DGAT2: variants seen among roughly 807,000 people sequenced by gnomAD.
DGAT2 encodes the protein acyl-CoA retinol O-fatty-acyltransferase.
In DGAT2, 33 loss-of-function variants were observed where a neutral mutation model predicts 48.4. That is an observed-to-expected ratio of 0.68 (90% CI 0.52 to 0.91). The LOEUF is 0.91. Ranked by LOEUF, DGAT2 falls within the 40% of genes least tolerant of loss-of-function variation. The probability of loss-of-function intolerance (pLI) is 0.00; values close to 1 mark genes in which losing one functional copy is unlikely to be tolerated. For missense variants in DGAT2, 446 were observed against 493.7 expected, an observed-to-expected ratio of 0.90 and a Z score of 0.92; for synonymous variants, 191 against 194.1, an observed-to-expected ratio of 0.98 and a Z score of 0.13.
chr11:75,794,540 A>G (rs1280263738), intron 4 of DGAT2: 1 of 152,246 alleles, frequency 6.6e-6, no homozygotes, highest in Admixed American at 6.5e-5. Context: ...AAGATAAGGT[A>G]TTTATTGAAG....
At chr11:75,779,953 A>G (rs1944842523) in intron 1 of DGAT2, among the ~76,000 whole-genome samples, 1 of 152,228 alleles carries the variant, frequency 6.6e-6, no homozygotes, top group Admixed American at 6.5e-5. Context: ...GGATTTGCTC[A>G]GCTATGCAGT....
intron 1 of DGAT2, among the ~76,000 whole-genome samples, chr11:75,775,290 C>G (rs1944793830): frequency 6.6e-6 from 1 of 152,156 alleles, no homozygotes; most frequent in Non-Finnish European, 1.5e-5. Flanking sequence ...TGCCTGGCTC[C>G]CTGCAGCAGG....
chr11:75,778,800 C>G (rs1944829632), intron 1 of DGAT2, among the ~76,000 whole-genome samples: 1 of 147,126 alleles, frequency 6.8e-6, no homozygotes, highest in Non-Finnish European at 1.5e-5. Flanking sequence ...CACCACTGCA[C>G]TCCAGCCTGG....
intron 1 of DGAT2, among the ~76,000 whole-genome samples, chr11:75,770,567 G>A (rs1944747875): frequency 6.6e-6 from 1 of 152,130 alleles, no homozygotes; most frequent in African/African-American, 2.4e-5. Context: ...TTTGCACTGG[G>A]CAGTGGGATA....
Position 75,796,400 on chromosome 11 carries a change from C to G in DGAT2, c.502C>G (p.Leu168Val). 6.2e-7 allele frequency: 1 copy of G among 1,614,112 alleles called. No individual in the cohort carries two copies. The highest frequency in any genetic ancestry group is 8.5e-7 in the Non-Finnish European group (1 of 1,180,020). Residue 168 changes from leucine to valine, a missense_variant, in exon 5 of 8, where the codon CTG becomes GTG. Transcript: ENST00000228027. ...ATACCACCCCCATGGTATCATGGGC[C>G]TGGGTGCCTTCTGCAACTTCAGCAC... ...FGYHPHGIMGLGAFCNFSTEA... is the reference protein window; with the variant it reads ...FGYHPHGIMGVGAFCNFSTEA...
chr11:75,799,919 A>G (rs1427581684), intron 7 of DGAT2, among the ~76,000 whole-genome samples: 1 of 152,122 alleles, frequency 6.6e-6, no homozygotes, highest in Non-Finnish European at 1.5e-5. Flanking sequence ...CTCCTGGCCT[A>G]CACTTTTTAA....
chr11:75,769,123 C>T lies in DGAT2; in HGVS notation c.121+11C>T, dbSNP rs766602180. The T allele has an allele frequency of 1.3e-6, 2 of 1,560,560 alleles. No individual in the cohort carries two copies. Among genetic ancestry groups the T allele is most frequent in the African/African-American group, 1.4e-5 (1 of 70,824 alleles). On this transcript the variant is annotated intron_variant, in intron 1 of 7. Coordinates refer to ENST00000228027, the MANE Select transcript of DGAT2 (RefSeq NM_032564.5). ...GGTCTGGGAGATGGGGTGAGTGCCA[C>T]GGCGCAGGGGTTATGGACCTGCGAG...
At chr11:75,794,482 T>A (rs995944043) in intron 4 of DGAT2, 1 of 152,246 alleles carries the variant, frequency 6.6e-6, no homozygotes, top group African/African-American at 2.4e-5. Flanking sequence ...TATCCAGGAA[T>A]TGTATTTCTA....
At chr11:75,769,733 C>A (rs1044637196) in intron 1 of DGAT2, among the ~76,000 whole-genome samples, 1 of 152,042 alleles carries the variant, frequency 6.6e-6, no homozygotes, top group Non-Finnish European at 1.5e-5. Context: ...ACTCTTCCAA[C>A]CCCCACCTCC....
Position 75,800,915 on chromosome 11 carries a change from G to A in DGAT2, c.*407G>A, listed in dbSNP as rs1051136317. On this transcript the variant is annotated 3_prime_UTR_variant, in exon 8 of 8. Transcript: ENST00000228027. ...AGCCCCTTTATTGCCACTACCCCAC[G>A]CTCGTCTAGTCCTGAAACTGCAGGA... is the stretch of plus-strand genomic sequence containing the variant. 4.0e-5 allele frequency: 8 copies of A among 199,474 alleles called. No individual in the cohort carries two copies. The highest frequency in any genetic ancestry group is 8.0e-5 in the South Asian group (1 of 12,544). The allele number at this position is 199,474 out of a possible 1,614,324, so 12.4% of individuals were successfully genotyped here.
intron 1 of DGAT2, among the ~76,000 whole-genome samples, chr11:75,771,640 A>T (rs1414350953): frequency 6.6e-6 from 1 of 152,048 alleles, no homozygotes; most frequent in Non-Finnish European, 1.5e-5. Context: ...GTAACTGGGA[A>T]CTGAGGGTTG....
At chr11:75,786,432 C>A (rs531012757) in intron 2 of DGAT2, among the ~76,000 whole-genome samples, 2 of 152,280 alleles carry the variant, frequency 1.3e-5, no homozygotes, top group East Asian at 3.9e-4. Flanking sequence ...TTCCCTGTTG[C>A]ACCCCAAAGC....
intron 1 of DGAT2, among the ~76,000 whole-genome samples, chr11:75,774,558 A>G (rs1565313120): frequency 6.6e-6 from 1 of 152,168 alleles, no homozygotes; most frequent in Non-Finnish European, 1.5e-5. Flanking sequence ...CTGCACAGTG[A>G]GGAGGACTGG....
At chr11:75,776,956 C>T (rs1944808443) in intron 1 of DGAT2, 3 of 152,382 alleles carry the variant, frequency 2.0e-5, no homozygotes, top group Middle Eastern at 3.4e-3. Flanking sequence ...TCATAATATA[C>T]AACCTGTTAC....
At chr11:75,793,154 C>G (rs996536040) in intron 4 of DGAT2, 1 of 152,274 alleles carries the variant, frequency 6.6e-6, no homozygotes, top group Non-Finnish European at 1.5e-5. Context: ...TGGGCTGGGA[C>G]TTTGCCACGG....
chr11:75,777,432 A>T (rs1944813337), intron 1 of DGAT2, among the ~76,000 whole-genome samples: 1 of 152,144 alleles, frequency 6.6e-6, no homozygotes, highest in Non-Finnish European at 1.5e-5. Flanking sequence ...TACCCATCAA[A>T]CAGGAGAGGA....
In DGAT2 at chr11:75,798,390, T is replaced by C. The variant is rs1170611773; in HGVS notation, c.973T>C (p.Trp325Arg). 1 of 1,613,752 alleles carries C rather than the reference T, an allele frequency of 6.2e-7. No homozygotes were observed. Among genetic ancestry groups the C allele is most frequent in the Non-Finnish European group, 8.5e-7 (1 of 1,180,008 alleles). The change falls in exon 7 of 8, where the codon TGG becomes CGG. Residue 325 changes from tryptophan to arginine, a missense_variant. Physicochemically the swap from Trp to Arg is moderately radical, Grantham distance 101. Transcript: ENST00000228027. The stretch of plus-strand genomic sequence containing the variant: ...TCGAGGCCTCTTCTCCTCCGACACC[T>C]GGGGGCTGGTGCCCTACTCCAAGCC... ...HGRGLFSSDTWGLVPYSKPIT... is the reference protein window; with the variant it reads ...HGRGLFSSDTRGLVPYSKPIT...
At chr11:75,776,440 G>C (rs904916975) in intron 1 of DGAT2, 6 of 152,316 alleles carry the variant, frequency 3.9e-5, no homozygotes, top group African/African-American at 1.4e-4. Context: ...TCCAACCCAG[G>C]TGGAGGAGAA....
At chr11:75,780,899 C>T (rs1010167550) in intron 1 of DGAT2, among the ~76,000 whole-genome samples, 2 of 152,218 alleles carry the variant, frequency 1.3e-5, no homozygotes, top group Non-Finnish European at 2.9e-5. Context: ...GTGCATCATA[C>T]CTTTCACTCA....
Sources: allele counts gnomAD v4.1 joint callset (sites outside exome capture counted in the v4.1 genomes callset), GRCh38; gene constraint gnomAD v4.1.1; transcripts MANE v1.5; gene names NCBI Gene and HGNC (gene_info 2026-07-23, HGNC 2026-07-21).